Variants in PHC3 observed in about 807,000 individuals in gnomAD.
PHC3 encodes polyhomeotic-like protein 3.
A neutral mutation model predicts 107.4 loss-of-function variants in PHC3; 13 were observed. That is an observed-to-expected ratio of 0.12 (90% CI 0.08 to 0.19). PHC3 has a LOEUF of 0.19. Among genes scored for constraint, PHC3 ranks in the 10% least tolerant of loss-of-function variants. The pLI is 1.00. For synonymous variants in PHC3, 456 were observed against 427.4 expected (o/e 1.07, Z -0.83); for missense variants, 992 against 1,210.9 (o/e 0.82, Z 2.68).
Position 170,097,524 on chromosome 3 carries a change from G to T in PHC3, c.2834-140C>A. ...AAACAAATGAAATTTATTTATGGTA[G>T]TCTTGAGTTCACTCTTGAAGAATAG... On this transcript the variant is annotated intron_variant, in intron 14 of 14. Transcript: ENST00000495893. This position sits in a 1 kb window ranked among gnomAD's most constrained non-coding sequence, Gnocchi z 4.1. The T allele has an allele frequency of 1.3e-6, 1 of 792,948 alleles. No homozygotes were observed. Among genetic ancestry groups the T allele is most frequent in the Non-Finnish European group, 1.8e-6 (1 of 544,008 alleles). 49.1% of individuals were successfully genotyped at this position (792,948 alleles called of 1,614,324 possible). A position where few individuals can be genotyped will look rare whatever the true frequency, so the allele number is the denominator to read the frequency against.
Position 170,181,731 on chromosome 3 carries a change from A to C in PHC3, c.-16T>G, listed in dbSNP as rs1338890482. 6 of 1,611,680 alleles carry C rather than the reference A, an allele frequency of 3.7e-6. No homozygotes were observed. The highest frequency in any genetic ancestry group is 4.5e-5 in the East Asian group (2 of 44,784). ...CTTCCGCCATCTTCTCTCCTCCATC[A>C]CTAACATGGGCTGCGCATGCGCCCC... On this transcript the variant is annotated 5_prime_UTR_variant, in exon 1 of 15. Transcript: ENST00000495893.
chr3:170,161,978 A>G (rs1727967511), intron 4 of PHC3, among the ~76,000 whole-genome samples: 1 of 152,218 alleles, frequency 6.6e-6, no homozygotes, highest in Admixed American at 6.5e-5. Flanking sequence ...AGTCCATAGC[A>G]TCATTTCCTG....
chr3:170,165,030 A>G (rs1728497951), intron 4 of PHC3, among the ~76,000 whole-genome samples: 2 of 152,058 alleles, frequency 1.3e-5, no homozygotes, highest in South Asian at 2.1e-4. Context: ...CAGCACCCCA[A>G]TGCACCCTGC....
In PHC3 at chr3:170,175,938, C is replaced by A. The variant is rs1191107240; in HGVS notation, c.180+2835G>T. 3.5e-3 allele frequency among the ~76,000 whole-genome samples: 432 copies of A among 125,150 alleles called. 1 individual carries two copies. Among genetic ancestry groups the A allele is most frequent in the Non-Finnish European group, 4.5e-3 (259 of 57,800 alleles). The allele number at this position is 125,150 out of a possible 152,430, so 82.1% of individuals were successfully genotyped here. ...GACTCAGTCTCAAAAAAAAAAAAAACAAAACCCGGCCGGGCACGGTAGCTC... is the reference window on the plus strand; with the variant it reads ...GACTCAGTCTCAAAAAAAAAAAAAAAAAAACCCGGCCGGGCACGGTAGCTC... On this transcript the variant is annotated intron_variant, in intron 2 of 14. Transcript: ENST00000495893.
At chr3:170,107,031 C>A in intron 11 of PHC3, 85 bp from the exon 12 acceptor site, 1 of 885,670 alleles carries the variant, frequency 1.1e-6, no homozygotes. Flanking sequence ...TGGTTGGATA[C>A]TGCTAGCAAA....
In PHC3 at chr3:170,178,803, G is replaced by C. The variant is rs116935080; in HGVS notation, c.150C>G (p.Val50=). Residue 50 remains valine (V), a synonymous_variant, in exon 2 of 15, where the codon GTC becomes GTG. Coordinates refer to ENST00000495893, the MANE Select transcript of PHC3 (RefSeq NM_024947.4). The stretch of plus-strand genomic sequence containing the variant: ...CAGCATGTCGGTCTGAACCACTGTA[G>C]ACAGAGATCTGTGGCTGCTGCATTC... ...SSRMQQPQIS[V]YSGSDRHAVQ... is the part of the protein sequence containing the mutation. The C allele has an allele frequency of 3.1e-3, 5,030 of 1,614,016 alleles. 212 individuals carry two copies. In the East Asian group the frequency reaches 0.088, roughly 28 times the overall value.
chr3:170,104,813 G>A (rs1446290880), intron 12 of PHC3, among the ~76,000 whole-genome samples: 2 of 152,124 alleles, frequency 1.3e-5, no homozygotes, highest in Non-Finnish European at 1.5e-5. Flanking sequence ...AGATCCTGCT[G>A]TGTTCATAAT....
intron 7 of PHC3, among the ~76,000 whole-genome samples, chr3:170,133,793 T>C (rs747699991): frequency 5.3e-5 from 8 of 152,102 alleles, no homozygotes; most frequent in Admixed American, 2.0e-4. Flanking sequence ...ACACTATTAA[T>C]GAAAGAGGGG....
Position 170,129,315 on chromosome 3 carries a change from G to A in PHC3, c.1157C>T (p.Pro386Leu), listed in dbSNP as rs746365985. The A allele has an allele frequency of 1.5e-5, 25 of 1,613,828 alleles. No individual in the cohort carries two copies. The highest frequency in any genetic ancestry group is 2.2e-5 in the South Asian group (2 of 91,094). ...TAAAGGAGAGGGATGACTCTGAATC[G>A]GTGAACAATGCTGTGACTGGGCATT... Reference protein sequence around the residue: ...PSNAQSQHCSPIQSHPSPLTV... With the variant: ...PSNAQSQHCSLIQSHPSPLTV... Residue 386 changes from proline (P) to leucine (L), a missense_variant, in exon 8 of 15, where the codon CCG (proline) becomes CTG (leucine). Physicochemically the swap from Pro to Leu is moderately conservative, Grantham distance 98 (BLOSUM62 -3). This residue lies in a region of PHC3 where 543 missense variants were observed against 590.8 expected (regional missense o/e 0.92). Transcript: ENST00000495893.
intron 4 of PHC3, among the ~76,000 whole-genome samples, chr3:170,168,121 C>CA (rs1729010832): frequency 6.6e-6 from 1 of 152,038 alleles, no homozygotes; most frequent in East Asian, 1.9e-4. Flanking sequence ...ATGATCGTGC[C>CA]ACTGCACTCC....
In PHC3 at chr3:170,088,774, T is replaced by C. The variant is rs947356196; in HGVS notation, c.*8456A>G. The C allele has an allele frequency of 1.3e-5, 2 of 152,248 alleles. No homozygotes were observed. The highest frequency in any genetic ancestry group is 6.5e-5 in the Admixed American group (1 of 15,282). The allele number at this position is 152,248 out of a possible 1,614,324, so 9.4% of individuals were successfully genotyped here. ...ATAACTTTTTGAAACCCAGATTATC[T>C]GGCTACTTAGATGATAGTCTTCCTG... On this transcript the variant is annotated 3_prime_UTR_variant, in exon 15 of 15. Transcript: ENST00000495893.
chr3:170,127,512 C>CTT (rs58821396), intron 8 of PHC3, among the ~76,000 whole-genome samples: 67,416 of 151,968 alleles, frequency 0.44, 15,209 homozygotes, highest in East Asian at 0.69. Context: ...AATTCAATCT[C>CTT]TGTGCCTATT....
At chr3:170,110,809 C>T (rs1343579347) in intron 11 of PHC3, among the ~76,000 whole-genome samples, 2 of 152,050 alleles carry the variant, frequency 1.3e-5, no homozygotes, top group South Asian at 2.1e-4. Flanking sequence ...TGTAAAGTTT[C>T]CTAAGCAGAT....
chr3:170,173,753 T>C (rs1729979703), intron 2 of PHC3, among the ~76,000 whole-genome samples: 1 of 152,176 alleles, frequency 6.6e-6, no homozygotes, highest in Admixed American at 6.5e-5. Flanking sequence ...CATTTTTATA[T>C]TAAAATATTT....
Position 170,095,919 on chromosome 3 carries a change from G to A in PHC3, c.*1311C>T, listed in dbSNP as rs923738156. The stretch of plus-strand genomic sequence containing the variant: ...TTGGTAAGTGCTTTGCAGGAAGCAT[G>A]CAAACGTTTGGTAAAGGAAGTAGGA... On this transcript the variant is annotated 3_prime_UTR_variant, in exon 15 of 15. Coordinates refer to ENST00000495893, the MANE Select transcript of PHC3 (RefSeq NM_024947.4). 2 of 152,120 alleles carry A rather than the reference G, an allele frequency of 1.3e-5. No individual in the cohort carries two copies. The highest frequency in any genetic ancestry group is 4.8e-5 in the African/African-American group (2 of 41,438). 9.4% of individuals were successfully genotyped at this position (152,120 alleles called of 1,614,324 possible).
rs1419468480 is a variant in PHC3 at position 170,091,227 on chromosome 3, A to AACTT, written c.*5999_*6002dup. 1.3e-5 allele frequency: 2 copies of AACTT among 152,252 alleles called. No homozygotes were observed. The highest frequency in any genetic ancestry group is 2.9e-5 in the Non-Finnish European group (2 of 68,040). 9.4% of individuals were successfully genotyped at this position (152,252 alleles called of 1,614,324 possible). On this transcript the variant is annotated 3_prime_UTR_variant, in exon 15 of 15. Coordinates refer to ENST00000495893, the MANE Select transcript of PHC3 (RefSeq NM_024947.4). ...TAAATTTAAACAGGTGCTCTAAAAG[A>AACTT]ACTTACTACCTTACTCTTATATTTA...
intron 7 of PHC3, among the ~76,000 whole-genome samples, chr3:170,135,361 G>A (rs1370983271): frequency 6.6e-6 from 1 of 151,880 alleles, no homozygotes; most frequent in East Asian, 1.9e-4. Flanking sequence ...ATGTTGGCCA[G>A]GCTGGTCTCA....
At position 170,094,811 on chromosome 3, in the gene PHC3, C is replaced by CT. The variant is rs1179368353; in HGVS notation, c.*2418dup. The CT allele has an allele frequency of 2.6e-5, 4 of 152,126 alleles. No individual in the cohort carries two copies. Among genetic ancestry groups the CT allele is most frequent in the African/African-American group, 9.7e-5 (4 of 41,418 alleles). The allele number at this position is 152,126 out of a possible 1,614,324, so 9.4% of individuals were successfully genotyped here. ...ACGGTATTCTCCAATAGAAAACCCT[C>CT]TTGTAAGCCCCTCCTGAATACTTAA... On this transcript the variant is annotated 3_prime_UTR_variant, in exon 15 of 15. Coordinates refer to ENST00000495893, the MANE Select transcript of PHC3 (RefSeq NM_024947.4).
chr3:170,146,062 A>C (rs1577149814), intron 5 of PHC3, among the ~76,000 whole-genome samples: 1 of 152,224 alleles, frequency 6.6e-6, no homozygotes, highest in African/African-American at 2.4e-5. Flanking sequence ...CTTTCATTTT[A>C]AAACTATTTG....
Sources: allele counts gnomAD v4.1 joint callset (sites outside exome capture counted in the v4.1 genomes callset), GRCh38; gene constraint gnomAD v4.1.1; regional missense constraint gnomAD v4.1.1; non-coding constraint Gnocchi (gnomAD v3.1); transcripts MANE v1.5; gene names NCBI Gene and HGNC (gene_info 2026-07-23, HGNC 2026-07-21).